Variants in DMD observed in about 807,000 individuals in gnomAD.
The protein encoded by DMD is mutant dystrophin.
In DMD, 63 loss-of-function variants were observed where a neutral mutation model predicts 330.1. The observed-to-expected ratio is 0.19, with a 90% CI of 0.16 to 0.24. The LOEUF (loss-of-function observed/expected upper bound fraction) is 0.24. DMD is among the 10% of genes least tolerant of loss of function. The pLI is 1.00. For missense variants in DMD, 3,344 were observed against 2,684.1 expected, an observed-to-expected ratio of 1.25 and a Z score of -5.43; for synonymous variants, 1,223 against 959.8, an observed-to-expected ratio of 1.27 and a Z score of -5.07.
intron 11 of DMD, among the ~76,000 whole-genome samples, chrX:32,622,266 T>G (rs2058048562): frequency 9.0e-6 from 1 of 111,461 alleles, no homozygotes; most frequent in African/African-American, 3.3e-5. Context: ...CAGAACAAGT[T>G]TGAAAACAGA....
intron 60 of DMD, among the ~76,000 whole-genome samples, chrX:31,384,128 T>A (rs1007442845): frequency 9.0e-6 from 1 of 110,968 alleles, no homozygotes; most frequent in Non-Finnish European, 1.9e-5. Flanking sequence ...CACACAGAGT[T>A]TTGTTCCTGC....
At chrX:32,298,737 G>A (rs957902022) in intron 42 of DMD, among the ~76,000 whole-genome samples, 11 of 110,585 alleles carry the variant, frequency 9.9e-5, no homozygotes, top group Non-Finnish European at 2.1e-4. Flanking sequence ...TTTTATTTAG[G>A]GGAGGTGGGA....
chrX:32,788,196 TTAAGA>T (rs1398231642), intron 7 of DMD, among the ~76,000 whole-genome samples: 1 of 111,603 alleles, frequency 9.0e-6, no homozygotes, highest in Non-Finnish European at 1.9e-5. Flanking sequence ...GGATTAAGAG[TTAAGA>T]TAATAGTAGA....
At position 31,875,185 on chromosome X, in the gene DMD, T is replaced by A. The variant is rs1556962217; in HGVS notation, c.7098+3A>T. Reference sequence around the variant, plus strand: ...AAAATATTTAAAGCAAAAAGTTCCCTACCTTAACGTCAAATGGTCCTTCTT... The same window carrying A: ...AAAATATTTAAAGCAAAAAGTTCCCAACCTTAACGTCAAATGGTCCTTCTT... On this transcript the variant is annotated splice_donor_region_variant and intron_variant, in intron 48 of 78. Coordinates refer to ENST00000357033, the MANE Select transcript of DMD (RefSeq NM_004006.3). The A allele has an allele frequency of 8.3e-7, 1 of 1,202,089 alleles. No individual in the cohort carries two copies. Among genetic ancestry groups the A allele is most frequent in the African/African-American group, 1.7e-5 (1 of 57,608 alleles).
intron 48 of DMD, among the ~76,000 whole-genome samples, chrX:31,868,844 T>C (rs1400581065): frequency 8.9e-6 from 1 of 111,945 alleles, no homozygotes; most frequent in East Asian, 2.8e-4. Context: ...AATCTGAGGT[T>C]TCATATTTTT....
intron 64 of DMD, among the ~76,000 whole-genome samples, chrX:31,217,914 G>C (rs576112841): frequency 9.0e-6 from 1 of 111,721 alleles, no homozygotes; most frequent in African/African-American, 3.2e-5. Flanking sequence ...TGCTCAGAAA[G>C]GAAATGCAGA....
At chrX:33,286,941 G>A (rs911318930) in intron 1 of DMD, among the ~76,000 whole-genome samples, 2 of 112,121 alleles carry the variant, frequency 1.8e-5, no homozygotes, top group Non-Finnish European at 3.8e-5. Flanking sequence ...GATGTATGCA[G>A]ATGACTCTGA....
intron 34 of DMD, among the ~76,000 whole-genome samples, chrX:32,365,661 C>T (rs892433001): frequency 1.8e-5 from 2 of 111,104 alleles, no homozygotes; most frequent in African/African-American, 6.5e-5. Context: ...CATAATAATG[C>T]TTTTAAATGC....
intron 55 of DMD, among the ~76,000 whole-genome samples, chrX:31,537,444 G>A (rs767976101): frequency 9.0e-6 from 1 of 111,731 alleles, no homozygotes; most frequent in East Asian, 2.8e-4. Context: ...TTTTAATTAC[G>A]TATATACTGA....
intron 44 of DMD, among the ~76,000 whole-genome samples, chrX:32,157,515 T>G (rs996158073): frequency 1.8e-5 from 2 of 112,097 alleles, no homozygotes; most frequent in African/African-American, 6.5e-5. Flanking sequence ...GCAGTTGCCT[T>G]ATGGATAGAT....
At chrX:32,583,474 G>A (rs950398804) in intron 13 of DMD, among the ~76,000 whole-genome samples, 1 of 111,406 alleles carries the variant, frequency 9.0e-6, no homozygotes, top group Admixed American at 9.5e-5. Flanking sequence ...ACTCCAGCCT[G>A]GGTAGAAACA....
intron 1 of DMD, among the ~76,000 whole-genome samples, chrX:33,054,016 CTT>C (rs2094489998): frequency 9.0e-6 from 1 of 111,589 alleles, no homozygotes; most frequent in African/African-American, 3.3e-5. Context: ...TAGGAAAACT[CTT>C]TTTGATAACA....
chrX:32,272,075 T>A (rs112772942), intron 43 of DMD, among the ~76,000 whole-genome samples: 3,292 of 111,803 alleles, frequency 0.029, 125 homozygotes, highest in African/African-American at 0.1. Flanking sequence ...AAAAGGTATA[T>A]AGTACAGCCT....
chrX:32,959,211 G>T (rs2091767881), intron 2 of DMD, among the ~76,000 whole-genome samples: 1 of 111,761 alleles, frequency 8.9e-6, no homozygotes, highest in South Asian at 3.7e-4. Flanking sequence ...GATTCCTTTT[G>T]TAAATGAATA....
chrX:31,980,009 G>A (rs12008355), intron 44 of DMD, among the ~76,000 whole-genome samples: 3,376 of 112,130 alleles, frequency 0.03, 128 homozygotes, highest in African/African-American at 0.1. Flanking sequence ...TACATATTCT[G>A]TAAGATAGCA....
chrX:32,374,711 GT>G (rs1177565534), intron 34 of DMD, among the ~76,000 whole-genome samples: 1 of 111,334 alleles, frequency 9.0e-6, no homozygotes, highest in Admixed American at 9.6e-5. Context: ...CTACAGCTTT[GT>G]AGTATATTTT....
intron 30 of DMD, among the ~76,000 whole-genome samples, chrX:32,390,712 G>T (rs1457049516): frequency 9.0e-6 from 1 of 110,956 alleles, no homozygotes. Flanking sequence ...TAGAGGCAGA[G>T]TCTTGCTATG....
At chrX:32,415,620 A>G (rs1204794409) in intron 29 of DMD, among the ~76,000 whole-genome samples, 1 of 112,354 alleles carries the variant, frequency 8.9e-6, no homozygotes, top group Non-Finnish European at 1.9e-5. Context: ...TTGTTCCAGA[A>G]TACTGTTCCG....
chrX:31,612,488 T>G (rs1300110283), intron 55 of DMD, among the ~76,000 whole-genome samples: 1 of 111,745 alleles, frequency 8.9e-6, no homozygotes, highest in African/African-American at 3.3e-5. Context: ...AAATGCATTT[T>G]CTACTTAGTT....
Sources: allele counts gnomAD v4.1 joint callset (sites outside exome capture counted in the v4.1 genomes callset), GRCh38; gene constraint gnomAD v4.1.1; transcripts MANE v1.5; gene names NCBI Gene and HGNC (gene_info 2026-07-23, HGNC 2026-07-21).